Variants in MARCHF10 observed in about 807,000 individuals in gnomAD.
The protein encoded by MARCHF10 is probable E3 ubiquitin-protein ligase MARCHF10.
Under a neutral mutation model 76.2 loss-of-function variants are expected in MARCHF10, and 64 were observed. The observed-to-expected ratio is 0.84, with a 90% confidence interval of 0.69 to 1.03. MARCHF10 has a LOEUF of 1.03. MARCHF10 is among the 50% of genes least tolerant of loss of function. The pLI, the probability that MARCHF10 is intolerant of heterozygous loss-of-function variation, is 0.00. For synonymous variants in MARCHF10, 340 were observed against 357.5 expected, an observed-to-expected ratio of 0.95 and a Z score of 0.55; for missense variants, 875 against 958.0, an observed-to-expected ratio of 0.91 and a Z score of 1.14.
Position 62,747,526 on chromosome 17 carries a change from G to C in MARCHF10, c.383-2998C>G, listed in dbSNP as rs578126545. Among the ~76,000 whole-genome samples, 30 of 152,290 alleles carry C rather than the reference G, an allele frequency of 2.0e-4. No individual in the cohort carries two copies. The South Asian group carries it at 3.9e-3, about 20-fold the overall frequency. On this transcript the variant is annotated intron_variant, in intron 4 of 10. Transcript: ENST00000311269. ...TTTGGCAACTTTAACCTCAGTTTCT[G>C]CAACTGTAAAATGGTCCATCTTGTT... is the stretch of plus-strand genomic sequence containing the variant.
At chr17:62,752,772 C>A (rs1391933341) in intron 4 of MARCHF10, among the ~76,000 whole-genome samples, 2 of 151,970 alleles carry the variant, frequency 1.3e-5, no homozygotes, top group Non-Finnish European at 2.9e-5. Flanking sequence ...CTGCATCTGG[C>A]CCTCTTCCTT....
At chr17:62,732,992 C>CAAAAAAAAAAAAAAAAAAAAAAAAAA (rs398041783) in intron 6 of MARCHF10, among the ~76,000 whole-genome samples, 3 of 66,546 alleles carry the variant, frequency 4.5e-5, no homozygotes, top group Non-Finnish European at 8.9e-5. Flanking sequence ...GACTCAGTCT[C>CAAAAAAAAAAAAAAAAAAAAAAAAAA]AAAAAAAAAA....
intron 6 of MARCHF10, among the ~76,000 whole-genome samples, chr17:62,733,541 G>A (rs1327610902): frequency 6.6e-6 from 1 of 151,990 alleles, no homozygotes; most frequent in African/African-American, 2.4e-5. Context: ...AGTGGAAAAT[G>A]TGTTCACCAC....
chr17:62,724,841 G>A (rs1433237837), intron 7 of MARCHF10, 97 bp downstream of exon 7: 11 of 1,330,822 alleles, frequency 8.3e-6, no homozygotes, highest in East Asian at 7.5e-5. Flanking sequence ...TTCTGCGGAG[G>A]AGAGTGAGCT....
At chr17:62,709,856 G>A (rs943575738) in intron 9 of MARCHF10, among the ~76,000 whole-genome samples, 6 of 152,004 alleles carry the variant, frequency 3.9e-5, no homozygotes, top group African/African-American at 9.7e-5. Context: ...CAGCATCAAC[G>A]GCACCGGGCC....
intron 4 of MARCHF10, among the ~76,000 whole-genome samples, chr17:62,754,702 C>T (rs1379536238): frequency 6.6e-6 from 1 of 152,034 alleles, no homozygotes; most frequent in East Asian, 1.9e-4. Context: ...CCCGAGCCCC[C>T]CTGTCTTGAG....
In MARCHF10 at chr17:62,756,624, C is replaced by A. The variant is rs530374871; in HGVS notation, c.382+3211G>T. Among the ~76,000 whole-genome samples, 11 of 152,288 alleles carry A rather than the reference C, an allele frequency of 7.2e-5. No individual in the cohort carries two copies. In the South Asian group the frequency reaches 8.3e-4, roughly 11 times the overall value. ...GCAATAATTAATTGAGTTGCCACAG[C>A]GGCAGGGACTGTCCTAAAGGCTGGA... On this transcript the variant is annotated intron_variant, in intron 4 of 10. Transcript: ENST00000311269.
rs146472679 is a variant in MARCHF10 at position 62,759,908 on chromosome 17, T to C, written c.309A>G (p.Ser103=). 6.3e-4 allele frequency: 1,009 copies of C among 1,614,156 alleles called. 10 individuals carry two copies. In the African/African-American group the frequency reaches 0.012, roughly 19 times the overall value. ...DSKLPAIDQT[S]VKQKHKSTMT... The stretch of plus-strand genomic sequence containing the variant: ...TGGTACTTTTATGTTTCTGCTTGAC[T>C]GATGTTTGGTCAATTGCTGGAAGTT... Residue 103 remains serine, a synonymous_variant, in exon 4 of 11, where the codon TCA becomes TCG. Coordinates refer to ENST00000311269, the MANE Select transcript of MARCHF10 (RefSeq NM_152598.4).
intron 3 of MARCHF10, among the ~76,000 whole-genome samples, chr17:62,768,757 C>T (rs1378409724): frequency 6.6e-6 from 1 of 152,176 alleles, no homozygotes; most frequent in Non-Finnish European, 1.5e-5. Context: ...CCCCTAAATA[C>T]TTCAGCAGGC....
At chr17:62,748,145 C>A (rs146794753) in intron 4 of MARCHF10, among the ~76,000 whole-genome samples, 1 of 152,260 alleles carries the variant, frequency 6.6e-6, no homozygotes, top group East Asian at 1.9e-4. Context: ...CGCCTGTAAT[C>A]CCAGCACTTT....
intron 4 of MARCHF10, among the ~76,000 whole-genome samples, chr17:62,746,685 G>A (rs548526110): frequency 4.6e-5 from 7 of 152,266 alleles, no homozygotes; most frequent in African/African-American, 1.4e-4. Context: ...CCAGGGAAGG[G>A]GCAGGCGTGG....
intron 3 of MARCHF10, among the ~76,000 whole-genome samples, chr17:62,780,272 GCA>G (rs1314307207): frequency 6.6e-6 from 1 of 152,172 alleles, no homozygotes; most frequent in Non-Finnish European, 1.5e-5. Context: ...GTATTGAAAG[GCA>G]CAGTTTTAGA....
chr17:62,737,311 C>G lies in MARCHF10; in HGVS notation c.557G>C (p.Gly186Ala), dbSNP rs1174477391. The change falls in exon 6 of 11, where the codon GGC (glycine) becomes GCC (alanine). Residue 186 changes from glycine (G) to alanine (A), a missense_variant. By Grantham distance (60) the Gly-to-Ala change is moderately conservative. Coordinates refer to ENST00000311269, the MANE Select transcript of MARCHF10 (RefSeq NM_152598.4). ...CTTCAGCTTAGTGTTACACATCAGGCCTTCTTGTTGAACTACTTGATCTGC... is the reference window on the plus strand; with the variant it reads ...CTTCAGCTTAGTGTTACACATCAGGGCTTCTTGTTGAACTACTTGATCTGC... ...RGADQVVQQE[G>A]LMCNTKLKRP... 1.2e-6 allele frequency: 2 copies of G among 1,609,744 alleles called. No individual in the cohort carries two copies. The highest frequency in any genetic ancestry group is 2.2e-5 in the East Asian group (1 of 44,862).
intron 2 of MARCHF10, among the ~76,000 whole-genome samples, chr17:62,791,925 C>T (rs778227971): frequency 3.3e-5 from 5 of 152,072 alleles, no homozygotes; most frequent in African/African-American, 4.8e-5. Context: ...TAACCAATAG[C>T]GGCTTCCCTT....
chr17:62,751,696 A>G (rs1022949951), intron 4 of MARCHF10, among the ~76,000 whole-genome samples: 1 of 152,330 alleles, frequency 6.6e-6, no homozygotes, highest in East Asian at 1.9e-4. Flanking sequence ...TTCCAAGTCT[A>G]AAATCCACAG....
chr17:62,780,013 C>T (rs936688174), intron 3 of MARCHF10, among the ~76,000 whole-genome samples: 1 of 152,146 alleles, frequency 6.6e-6, no homozygotes, highest in South Asian at 2.1e-4. Context: ...AGGAGAATTG[C>T]TTGAACCTGG....
intron 2 of MARCHF10, among the ~76,000 whole-genome samples, chr17:62,794,149 C>CACG (rs1295172887): frequency 1.3e-5 from 2 of 150,754 alleles, no homozygotes; most frequent in Non-Finnish European, 3.0e-5. Flanking sequence ...AAACAGTCAC[C>CACG]ACCACCACCT....
Position 62,736,333 on chromosome 17 carries a change from G to A in MARCHF10, c.1535C>T (p.Pro512Leu). The change falls in exon 6 of 11, where the codon CCA (proline) becomes CTA (leucine). Residue 512 changes from proline (P) to leucine (L), a missense_variant. Physicochemically the swap from Pro to Leu is moderately conservative, Grantham distance 98. Coordinates refer to ENST00000311269, the MANE Select transcript of MARCHF10 (RefSeq NM_152598.4). Reference protein sequence around the residue: ...EGNSGFHVCQPLSPIRNRTPF... With the variant: ...EGNSGFHVCQLLSPIRNRTPF... ...AGTCCTATTTCTAATGGGAGACAGT[G>A]GTTGGCAAACATGAAACCCTGAGTT... 10 of 1,614,176 alleles carry A rather than the reference G, an allele frequency of 6.2e-6. No individual in the cohort carries two copies. The highest frequency in any genetic ancestry group is 1.1e-5 in the South Asian group (1 of 91,080).
intron 3 of MARCHF10, among the ~76,000 whole-genome samples, chr17:62,762,791 C>G (rs1269925754): frequency 3.9e-5 from 6 of 152,198 alleles, no homozygotes; most frequent in Non-Finnish European, 8.8e-5. Flanking sequence ...GGCAAGCCGC[C>G]CGCCTTGGCC....
Sources: gnomAD v4.1 joint callset for allele counts (sites outside exome capture counted in the v4.1 genomes callset) on GRCh38, gnomAD v4.1.1 for gene constraint, MANE v1.5 for transcripts, NCBI Gene and HGNC (gene_info 2026-07-23, HGNC 2026-07-21) for gene names.